Variants in RYR2 observed in about 807,000 individuals in gnomAD.
The protein encoded by RYR2 is ryanodine receptor 2, also known as cardiac muscle ryanodine receptor-calcium release channel.
RYR2 carries 227 observed loss-of-function variants against 601.1 expected under a neutral mutation model. The ratio of observed to expected loss-of-function variants is 0.38; its 90% CI spans 0.34 to 0.42. The LOEUF (loss-of-function observed/expected upper bound fraction) is 0.42. Ranked by LOEUF, RYR2 falls within the 10% of genes least tolerant of loss-of-function variation. The pLI is 1.00. For missense variants in RYR2, 4,646 were observed against 6,156.5 expected, an observed-to-expected ratio of 0.75 and a Z score of 8.21; for synonymous variants, 2,223 against 2,175.1, an observed-to-expected ratio of 1.02 and a Z score of -0.61.
chr1:237,529,696 A>G (rs1319472704), intron 24 of RYR2, among the ~76,000 whole-genome samples: 1 of 151,620 alleles, frequency 6.6e-6, no homozygotes, highest in Non-Finnish European at 1.5e-5. Flanking sequence ...GGTACTAAAG[A>G]CAAATTGTCT....
chr1:237,422,794 T>C (rs1705728096), intron 11 of RYR2, among the ~76,000 whole-genome samples: 1 of 152,166 alleles, frequency 6.6e-6, no homozygotes, highest in Admixed American at 6.5e-5. Context: ...GGAGCACAAG[T>C]TCTTTGTTAT....
At chr1:237,769,321 C>A (rs1461316066) in intron 84 of RYR2, among the ~76,000 whole-genome samples, 1 of 152,178 alleles carries the variant, frequency 6.6e-6, no homozygotes, top group African/African-American at 2.4e-5. Flanking sequence ...CTAAAACATT[C>A]TCCCTTTCGT....
intron 25 of RYR2, among the ~76,000 whole-genome samples, 156 bp from the exon 26 acceptor site, chr1:237,548,275 G>C (rs1670027739): frequency 6.6e-6 from 1 of 152,150 alleles, no homozygotes; most frequent in Admixed American, 6.5e-5. Flanking sequence ...ATTAGCTAAA[G>C]TGAAAGGAAC....
intron 25 of RYR2, among the ~76,000 whole-genome samples, chr1:237,543,459 G>A (rs1203590898): frequency 6.6e-6 from 1 of 152,186 alleles, no homozygotes; most frequent in Non-Finnish European, 1.5e-5. Flanking sequence ...TGTCAGCCTA[G>A]TATTCGTTTC....
intron 1 of RYR2, among the ~76,000 whole-genome samples, chr1:237,112,812 T>G (rs1262998921): frequency 6.6e-6 from 1 of 152,198 alleles, no homozygotes; most frequent in East Asian, 1.9e-4. Context: ...CAACTGTTTC[T>G]GGCTCCTATT....
rs560232404 is a variant in RYR2 at position 237,198,148 on chromosome 1, G to T, written c.49-72349G>T. On this transcript the variant is annotated intron_variant, in intron 1 of 104. Coordinates refer to ENST00000366574, the MANE Select transcript of RYR2 (RefSeq NM_001035.3). ...TATGGCCATGCACTTTGGAGTTTTT[G>T]ATAGAATGGTTTCCAGAAAGCACTG... 4.6e-5 allele frequency among the ~76,000 whole-genome samples: 7 copies of T among 152,336 alleles called. No individual in the cohort carries two copies. The South Asian group carries it at 1.5e-3, about 32-fold the overall frequency.
chr1:237,626,249 C>G (rs1036084032), intron 40 of RYR2, among the ~76,000 whole-genome samples: 1 of 152,060 alleles, frequency 6.6e-6, no homozygotes, highest in African/African-American at 2.4e-5. Context: ...GATCCATATC[C>G]TATTTCAGAA....
At chr1:237,421,379 A>G (rs938477472) in intron 11 of RYR2, among the ~76,000 whole-genome samples, 18 of 152,232 alleles carry the variant, frequency 1.2e-4, no homozygotes, top group African/African-American at 4.1e-4. Flanking sequence ...ATGTGCTATT[A>G]TTGGTAACAA....
intron 1 of RYR2, among the ~76,000 whole-genome samples, chr1:237,195,667 G>A (rs588920): frequency 0.49 from 75,172 of 152,024 alleles, 20,024 homozygotes; most frequent in Non-Finnish European, 0.59. Flanking sequence ...TGGTTAACAA[G>A]TATCATATTT....
In RYR2 at chr1:237,699,533, C is replaced by T. The variant is rs116851058; in HGVS notation, c.9128+508C>T. On this transcript the variant is annotated intron_variant, in intron 64 of 104. Transcript: ENST00000366574. ...CTAGCATGTTGACCAAATACAAAATCAGTTCATTTAGCATGATTGATTCAG... is the reference window on the plus strand; with the variant it reads ...CTAGCATGTTGACCAAATACAAAATTAGTTCATTTAGCATGATTGATTCAG... Among the ~76,000 whole-genome samples the T allele has an allele frequency of 1.5e-3, 221 of 152,278 alleles. 6 individuals are homozygous for T. The East Asian group carries it at 0.035, about 24-fold the overall frequency.
chr1:237,307,942 G>GT (rs926224149), intron 2 of RYR2, among the ~76,000 whole-genome samples: 1 of 151,304 alleles, frequency 6.6e-6, no homozygotes, highest in Non-Finnish European at 1.5e-5. Context: ...CTAGGAAAAT[G>GT]AGGCCGGGAC....
At chr1:237,310,264 G>A (rs750632113) in intron 2 of RYR2, among the ~76,000 whole-genome samples, 63 of 152,194 alleles carry the variant, frequency 4.1e-4, no homozygotes, top group Non-Finnish European at 6.9e-4. Context: ...TACTGCTTTT[G>A]TAGATTCAAA....
chr1:237,601,576 A>C (rs1449665237), intron 34 of RYR2, among the ~76,000 whole-genome samples: 1 of 152,124 alleles, frequency 6.6e-6, no homozygotes, highest in Non-Finnish European at 1.5e-5. Flanking sequence ...AATAGCTAGA[A>C]GAGAGGATTT....
At chr1:237,074,038 C>G (rs753318059) in intron 1 of RYR2, among the ~76,000 whole-genome samples, 1 of 151,494 alleles carries the variant, frequency 6.6e-6, no homozygotes, top group Non-Finnish European at 1.5e-5. Flanking sequence ...GTGTGGGAGC[C>G]CTAAATGATG....
rs530974447 is a variant in RYR2, at chr1:237,681,114, G to T, written c.9017+537G>T. ...TCTTTATGGACTCAGTTGTGATTCT[G>T]CTGGGGATATCAGGTCCTTTTACTC... On this transcript the variant is annotated intron_variant, in intron 62 of 104. Coordinates refer to ENST00000366574, the MANE Select transcript of RYR2 (RefSeq NM_001035.3). Among the ~76,000 whole-genome samples the T allele has an allele frequency of 2.6e-4, 40 of 152,262 alleles. No homozygotes were observed. The South Asian group carries it at 7.3e-3, about 28-fold the overall frequency.
rs192145414 is a variant in RYR2 at position 237,289,476 on chromosome 1, G to A, written c.168+18860G>A. 5.4e-3 allele frequency among the ~76,000 whole-genome samples: 826 copies of A among 152,296 alleles called. 11 individuals carry two copies. Among genetic ancestry groups the A allele is most frequent in the Non-Finnish European group, 5.8e-3 (393 of 68,036 alleles). On this transcript the variant is annotated intron_variant, in intron 2 of 104. Coordinates refer to ENST00000366574, the MANE Select transcript of RYR2 (RefSeq NM_001035.3). ...ACTTAGAATCATAGCAGAAGGGGAC[G>A]CAAACACGTCCTTCTTCACATGATG... is the stretch of plus-strand genomic sequence containing the variant.
At chr1:237,290,285 T>A (rs1166876633) in intron 2 of RYR2, among the ~76,000 whole-genome samples, 1 of 152,138 alleles carries the variant, frequency 6.6e-6, no homozygotes, top group Admixed American at 6.5e-5. Context: ...AATGATTCCA[T>A]GTATATGAAA....
intron 30 of RYR2, 77 bp downstream of exon 30, chr1:237,590,078 T>C (rs930667784): frequency 7.7e-7 from 1 of 1,292,404 alleles, no homozygotes; most frequent in Admixed American, 2.3e-5. Flanking sequence ...AACTTCTGCT[T>C]AGACAATTAT....
chr1:237,525,016 C>T (rs886412826), intron 24 of RYR2, among the ~76,000 whole-genome samples: 10 of 152,004 alleles, frequency 6.6e-5, no homozygotes, highest in Non-Finnish European at 1.0e-4. Flanking sequence ...TACCTATGTG[C>T]GTTGTTACAT....
Sources: gnomAD v4.1 joint callset for allele counts (sites outside exome capture counted in the v4.1 genomes callset) on GRCh38, gnomAD v4.1.1 for gene constraint, MANE v1.5 for transcripts, NCBI Gene and HGNC (gene_info 2026-07-23, HGNC 2026-07-21) for gene names.